ZNF423: variants seen among roughly 807,000 people sequenced by gnomAD.
The protein encoded by ZNF423 is zinc finger protein 423.
Under a neutral mutation model 95.8 loss-of-function variants are expected in ZNF423, and 12 were observed. The ratio of observed to expected loss-of-function variants is 0.13; its 90% CI spans 0.08 to 0.20. ZNF423 has a LOEUF of 0.20. Ranked by LOEUF, ZNF423 falls within the 10% of genes least tolerant of loss-of-function variation. The pLI, the probability that ZNF423 is intolerant of heterozygous loss-of-function variation, is 1.00. For missense variants in ZNF423, 1,316 were observed against 1,737.1 expected (o/e 0.76, Z 4.31); for synonymous variants, 749 against 711.9 (o/e 1.05, Z -0.83).
chr16:49,681,080 A>C (rs1382990870), intron 3 of ZNF423, among the ~76,000 whole-genome samples: 1 of 152,226 alleles, frequency 6.6e-6, no homozygotes, highest in East Asian at 1.9e-4. Flanking sequence ...CTTTCCAAGT[A>C]GGAGACCAAC....
intron 7 of ZNF423, among the ~76,000 whole-genome samples, chr16:49,512,826 T>C (rs935425762): frequency 6.6e-6 from 1 of 152,144 alleles, no homozygotes; most frequent in Admixed American, 6.5e-5. Context: ...CTGGGCACGG[T>C]GGCCCATACA....
chr16:49,680,541 G>A (rs989323101), intron 3 of ZNF423, among the ~76,000 whole-genome samples: 4 of 152,216 alleles, frequency 2.6e-5, no homozygotes, highest in Non-Finnish European at 5.9e-5. Context: ...CCAGGGCTGT[G>A]ACACCTTCCT....
intron 3 of ZNF423, among the ~76,000 whole-genome samples, chr16:49,642,801 C>CTTTTTTTT (rs55662710): frequency 4.2e-4 from 38 of 91,482 alleles, no homozygotes; most frequent in Non-Finnish European, 6.6e-4. Flanking sequence ...GTTCTCTTTT[C>CTTTTTTTT]TTTTTTTTTT....
intron 1 of ZNF423, among the ~76,000 whole-genome samples, chr16:49,838,023 A>G (rs1236292571): frequency 6.6e-6 from 1 of 152,256 alleles, no homozygotes; most frequent in African/African-American, 2.4e-5. Flanking sequence ...CAGCACTAGC[A>G]TTTGGCCCAT....
In ZNF423 at chr16:49,848,504, C is replaced by A. The variant is rs900555717; in HGVS notation, c.40+7231G>T. On this transcript the variant is annotated intron_variant, in intron 1 of 7. Coordinates refer to ENST00000563137, the MANE Select transcript of ZNF423 (RefSeq NM_001379286.1). ...AAACCCTCGAGAAGCACAAGCATAA[C>A]CCAGGCCTCTGTCTCTCTCCCGGCC... 1.3e-5 allele frequency among the ~76,000 whole-genome samples: 2 copies of A among 151,172 alleles called. 1 individual carries two copies. Among genetic ancestry groups the A allele is most frequent in the Non-Finnish European group, 3.0e-5 (2 of 67,636 alleles).
chr16:49,698,288 A>C (rs1371403762), intron 3 of ZNF423, among the ~76,000 whole-genome samples: 3 of 149,162 alleles, frequency 2.0e-5, no homozygotes, highest in Non-Finnish European at 4.4e-5. Flanking sequence ...GCATGTGCTG[A>C]TTATCTGAGT....
At chr16:49,493,906 G>A (rs1016187110) in intron 7 of ZNF423, among the ~76,000 whole-genome samples, 3 of 152,210 alleles carry the variant, frequency 2.0e-5, no homozygotes, top group African/African-American at 4.8e-5. Flanking sequence ...GAGGCCTTGA[G>A]TACCAACAAA....
intron 3 of ZNF423, among the ~76,000 whole-genome samples, chr16:49,698,019 G>T (rs559429179): frequency 3.3e-4 from 50 of 152,274 alleles, no homozygotes; most frequent in Non-Finnish European, 6.2e-4. Context: ...GTGTGTGTGT[G>T]TGCAGGGACC....
At chr16:49,564,215 T>C (rs1288765877) in intron 5 of ZNF423, among the ~76,000 whole-genome samples, 1 of 152,224 alleles carries the variant, frequency 6.6e-6, no homozygotes, top group Admixed American at 6.5e-5. Context: ...GTACTATTTA[T>C]AATCGCAATG....
chr16:49,520,849 A>G (rs1968367058), intron 7 of ZNF423, among the ~76,000 whole-genome samples: 1 of 152,376 alleles, frequency 6.6e-6, no homozygotes, highest in South Asian at 2.1e-4. Context: ...CAAGTTACTT[A>G]ACGAGAGCCA....
intron 5 of ZNF423, among the ~76,000 whole-genome samples, chr16:49,537,430 G>A (rs796740392): frequency 3.9e-5 from 6 of 152,152 alleles, no homozygotes; most frequent in Non-Finnish European, 7.3e-5. Context: ...TCAGAGAGCC[G>A]GGTTTTTGCT....
At chr16:49,503,638 G>T (rs1305542956) in intron 7 of ZNF423, among the ~76,000 whole-genome samples, 1 of 152,144 alleles carries the variant, frequency 6.6e-6, no homozygotes, top group Admixed American at 6.5e-5. Context: ...TCTGCACCTT[G>T]CAGAGGCTTC....
At chr16:49,852,549 C>G (rs538340428) in intron 1 of ZNF423, among the ~76,000 whole-genome samples, 13 of 152,130 alleles carry the variant, frequency 8.5e-5, no homozygotes, top group African/African-American at 2.9e-4. Flanking sequence ...ATGATGAGAA[C>G]AGCCCGGGAA....
intron 2 of ZNF423, among the ~76,000 whole-genome samples, chr16:49,753,152 G>A (rs1046048864): frequency 4.6e-5 from 7 of 152,020 alleles, no homozygotes; most frequent in Non-Finnish European, 8.8e-5. Flanking sequence ...ACTGAGGCAG[G>A]AGAATCACTT....
intron 7 of ZNF423, 79 bp downstream of exon 7, chr16:49,523,545 C>T: frequency 3.1e-6 from 4 of 1,283,068 alleles, no homozygotes; most frequent in Non-Finnish European, 4.5e-6. Flanking sequence ...ACCAGCTTGC[C>T]TTAACCCTGA....
intron 5 of ZNF423, among the ~76,000 whole-genome samples, chr16:49,542,488 C>A (rs995991873): frequency 2.3e-4 from 35 of 152,226 alleles, no homozygotes; most frequent in African/African-American, 8.2e-4. Flanking sequence ...CATCCACTCT[C>A]GTACCTCACA....
chr16:49,615,372 A>C (rs956147413), intron 5 of ZNF423, among the ~76,000 whole-genome samples: 2 of 152,208 alleles, frequency 1.3e-5, no homozygotes, highest in Admixed American at 6.5e-5. Flanking sequence ...TTGTAATTCA[A>C]ACTTACTTAG....
At chr16:49,709,137 C>T (rs960754175) in intron 3 of ZNF423, among the ~76,000 whole-genome samples, 1 of 140,600 alleles carries the variant, frequency 7.1e-6, no homozygotes, top group African/African-American at 2.7e-5. Flanking sequence ...AAAAGACAAA[C>T]GCATAAAAAA....
chr16:49,734,100 C>G (rs1345044659), intron 2 of ZNF423, among the ~76,000 whole-genome samples: 1 of 152,236 alleles, frequency 6.6e-6, no homozygotes, highest in African/African-American at 2.4e-5. Flanking sequence ...GGCAGAAGTT[C>G]TAACAACAGG....
Sources: allele counts gnomAD v4.1 joint callset (sites outside exome capture counted in the v4.1 genomes callset), GRCh38; gene constraint gnomAD v4.1.1; transcripts MANE v1.5; gene names NCBI Gene and HGNC (gene_info 2026-07-23, HGNC 2026-07-21).